The following DOCK3 variants were observed in gnomAD, a reference collection of about 807,000 sequenced individuals.
DOCK3 encodes the protein dedicator of cytokinesis protein 3.
DOCK3 carries 60 observed loss-of-function variants against 265.6 expected under a neutral mutation model. The observed-to-expected ratio is 0.23, with a 90% CI of 0.18 to 0.28. The LOEUF is 0.28. Among genes scored for constraint, DOCK3 ranks in the 10% least tolerant of loss-of-function variants. The pLI, the probability that DOCK3 is intolerant of heterozygous loss-of-function variation, is 1.00. For missense variants in DOCK3, 1,981 were observed against 2,594.3 expected (o/e 0.76, Z 5.14); for synonymous variants, 881 against 938.0 (o/e 0.94, Z 1.11).
Position 51,090,920 on chromosome 3 carries a change from G to A in DOCK3, c.746+536G>A, listed in dbSNP as rs192755892. On this transcript the variant is annotated intron_variant, in intron 9 of 52. Transcript: ENST00000266037. ...TTACTTGCTTTAGTACTTAAAATTC[G>A]AAAGCAGATTTTTCACTTTTCCAAT... Among the ~76,000 whole-genome samples the A allele has an allele frequency of 4.4e-4, 67 of 152,288 alleles. 1 individual carries two copies. The highest frequency in any genetic ancestry group is 2.4e-3 in the Admixed American group (37 of 15,300).
intron 10 of DOCK3, among the ~76,000 whole-genome samples, chr3:51,152,479 C>G (rs909501517): frequency 5.9e-5 from 9 of 152,228 alleles, no homozygotes; most frequent in Non-Finnish European, 8.8e-5. Flanking sequence ...TACTGACCTT[C>G]TGAAGCCTAC....
chr3:50,941,696 T>TGTG, intron 5 of DOCK3, among the ~76,000 whole-genome samples: 1 of 152,154 alleles, frequency 6.6e-6, no homozygotes, highest in East Asian at 1.9e-4. Context: ...AAGAAAAAAC[T>TGTG]GTGGACTACT....
At position 51,224,873 on chromosome 3, in the gene DOCK3, C is replaced by T. The variant is rs552492793; in HGVS notation, c.1253-776C>T. ...ATGCTGTCTCCCCTCAACTCATCACCCTAAAAAGGAAGATGTAACTTAGGT... is the reference window on the plus strand; with the variant it reads ...ATGCTGTCTCCCCTCAACTCATCACTCTAAAAAGGAAGATGTAACTTAGGT... On this transcript the variant is annotated intron_variant, in intron 14 of 52. Transcript: ENST00000266037. 2.8e-4 allele frequency among the ~76,000 whole-genome samples: 43 copies of T among 152,204 alleles called. 1 individual carries two copies. In the South Asian group the frequency reaches 6.0e-3, roughly 21 times the overall value.
At chr3:51,275,431 C>T (rs2080763502) in intron 25 of DOCK3, among the ~76,000 whole-genome samples, 1 of 152,120 alleles carries the variant, frequency 6.6e-6, no homozygotes, top group South Asian at 2.1e-4. Context: ...ATAAATCTAC[C>T]CAGAAATATA....
chr3:50,960,029 C>T (rs557195909), intron 5 of DOCK3, among the ~76,000 whole-genome samples: 1 of 152,232 alleles, frequency 6.6e-6, no homozygotes, highest in Admixed American at 6.5e-5. Context: ...GAGGTTTATT[C>T]GTGTCATTGC....
chr3:51,136,711 A>G (rs901741095), intron 9 of DOCK3, among the ~76,000 whole-genome samples: 2 of 152,172 alleles, frequency 1.3e-5, no homozygotes, highest in African/African-American at 2.4e-5. Context: ...TGTTGAAAAA[A>G]TAAAAGGGAA....
intron 4 of DOCK3, among the ~76,000 whole-genome samples, chr3:50,893,668 G>T (rs893740991): frequency 5.3e-5 from 8 of 151,946 alleles, no homozygotes; most frequent in Non-Finnish European, 1.2e-4. Flanking sequence ...CACACGTGGG[G>T]CAGGAGAGAG....
intron 5 of DOCK3, among the ~76,000 whole-genome samples, chr3:51,016,955 ATATAT>A (rs1323351378): frequency 4.6e-5 from 1 of 21,652 alleles, no homozygotes; most frequent in Non-Finnish European, 7.1e-5. Context: ...TATATAATAT[ATATAT>A]TATATATATA....
intron 27 of DOCK3, among the ~76,000 whole-genome samples, chr3:51,301,180 T>G (rs1176181541): frequency 6.6e-6 from 1 of 152,200 alleles, no homozygotes; most frequent in Non-Finnish European, 1.5e-5. Flanking sequence ...ATTTTCTAAT[T>G]TACATGCCTA....
intron 32 of DOCK3, among the ~76,000 whole-genome samples, chr3:51,327,926 C>T (rs192506082): frequency 2.6e-5 from 4 of 152,254 alleles, no homozygotes; most frequent in African/African-American, 4.8e-5. Context: ...AGGTGATCTG[C>T]CCGCCTCAGC....
At chr3:50,814,099 A>C (rs1312184937) in intron 2 of DOCK3, among the ~76,000 whole-genome samples, 1 of 152,092 alleles carries the variant, frequency 6.6e-6, no homozygotes, top group African/African-American at 2.4e-5. Context: ...CAAATACTTC[A>C]TGATAGATTT....
intron 1 of DOCK3, among the ~76,000 whole-genome samples, chr3:50,677,185 T>C (rs1576046921): frequency 6.6e-6 from 1 of 152,246 alleles, no homozygotes; most frequent in Admixed American, 6.5e-5. Context: ...GAAGACATTT[T>C]CATAGCAGCT....
chr3:51,324,160 G>T (rs936433947), intron 32 of DOCK3, among the ~76,000 whole-genome samples: 5 of 150,262 alleles, frequency 3.3e-5, no homozygotes, highest in Admixed American at 6.7e-5. Context: ...TGACATGATT[G>T]TGTATTTAGA....
intron 12 of DOCK3, among the ~76,000 whole-genome samples, chr3:51,187,033 C>T (rs1050551761): frequency 6.6e-6 from 1 of 152,208 alleles, no homozygotes; most frequent in Non-Finnish European, 1.5e-5. Context: ...AGAGGGCCAC[C>T]ATCCTCCAGA....
intron 22 of DOCK3, among the ~76,000 whole-genome samples, chr3:51,253,301 C>T (rs1399714031): frequency 6.6e-6 from 1 of 152,176 alleles, no homozygotes; most frequent in East Asian, 1.9e-4. Flanking sequence ...CAATGTTCAT[C>T]AGGGATATTG....
chr3:51,012,622 TG>T (rs1305699267), intron 5 of DOCK3, among the ~76,000 whole-genome samples: 1 of 152,246 alleles, frequency 6.6e-6, no homozygotes, highest in Admixed American at 6.5e-5. Flanking sequence ...TGTCCTGCTT[TG>T]GCTCACACCC....
chr3:51,074,843 C>T (rs1010962070), intron 6 of DOCK3, among the ~76,000 whole-genome samples: 1 of 151,588 alleles, frequency 6.6e-6, no homozygotes, highest in African/African-American at 2.4e-5. Context: ...GCACATGTAC[C>T]CCAGAACTTA....
chr3:51,363,968 G>A (rs576217020), intron 49 of DOCK3, among the ~76,000 whole-genome samples: 3 of 152,304 alleles, frequency 2.0e-5, no homozygotes, highest in South Asian at 4.1e-4. Context: ...TGTCTTTATA[G>A]TAGCATGATT....
At chr3:50,995,532 G>C (rs112016734) in intron 5 of DOCK3, among the ~76,000 whole-genome samples, 2,573 of 152,224 alleles carry the variant, frequency 0.017, 53 homozygotes, top group African/African-American at 0.042. Context: ...ATAAAATATG[G>C]TCCCAGACCT....
Sources: allele counts gnomAD v4.1 joint callset (sites outside exome capture counted in the v4.1 genomes callset), GRCh38; gene constraint gnomAD v4.1.1; transcripts MANE v1.5; gene names NCBI Gene and HGNC (gene_info 2026-07-23, HGNC 2026-07-21).